The following EIPR1 variants were observed in gnomAD, a reference collection of about 807,000 sequenced individuals.
The protein encoded by EIPR1 is EARP and GARP complex-interacting protein 1.
In EIPR1, 25 loss-of-function variants were observed where a neutral mutation model predicts 48.1. The observed-to-expected ratio is 0.52, with a 90% CI of 0.38 to 0.73. The LOEUF is 0.73. Ranked by LOEUF, EIPR1 falls within the 30% of genes least tolerant of loss-of-function variation. EIPR1 has a pLI of 0.00. For synonymous variants in EIPR1, 204 were observed against 201.9 expected (o/e 1.01, Z -0.09); for missense variants, 415 against 506.2 (o/e 0.82, Z 1.73).
rs971877710 is a variant in EIPR1 at position 3,241,818 on chromosome 2, A to T, written c.416+15481T>A. ...CATTCACAAGGGTCATCATCGTGGG[A>T]TATGGTCCTAATTCGGCAGGTTTCA... On this transcript the variant is annotated intron_variant, in intron 4 of 8. Transcript: ENST00000382125. Among the ~76,000 whole-genome samples the T allele has an allele frequency of 1.4e-3, 213 of 152,138 alleles. 2 individuals carry two copies. The highest frequency in any genetic ancestry group is 1.2e-4 in the Non-Finnish European group (8 of 68,034).
intron 3 of EIPR1, among the ~76,000 whole-genome samples, chr2:3,330,565 GCA>G (rs1558303035): frequency 9.6e-6 from 1 of 104,646 alleles, no homozygotes; most frequent in African/African-American, 3.0e-5. Context: ...GTAGGAATGC[GCA>G]CACTCACGAG....
chr2:3,350,007 G>A (rs1027424719), intron 2 of EIPR1, among the ~76,000 whole-genome samples: 8 of 149,626 alleles, frequency 5.3e-5, no homozygotes, highest in East Asian at 4.0e-4. Flanking sequence ...GCCTGTAATC[G>A]CTTGGGAGTC....
intron 4 of EIPR1, among the ~76,000 whole-genome samples, chr2:3,225,222 ATGTGTGTGTGTGTGTGTGTGTG>A (rs61557621): frequency 1.5e-5 from 2 of 136,928 alleles, no homozygotes; most frequent in Non-Finnish European, 3.1e-5. Context: ...ACACTGTGAT[ATGTGTGTGTGTGTGTGTGTGTG>A]TGTGTGTGTG....
intron 1 of EIPR1, among the ~76,000 whole-genome samples, chr2:3,363,925 T>C (rs1203688025): frequency 2.0e-5 from 3 of 151,812 alleles, no homozygotes; most frequent in Non-Finnish European, 4.4e-5. Flanking sequence ...CCAACATCAC[T>C]AACTGTCAGA....
intron 3 of EIPR1, among the ~76,000 whole-genome samples, chr2:3,321,849 C>T (rs1669539272): frequency 1.3e-5 from 2 of 152,212 alleles, no homozygotes. Context: ...ACATCACTCC[C>T]AGTGAACAGA....
chr2:3,323,595 A>C (rs4854160), intron 3 of EIPR1, among the ~76,000 whole-genome samples: 69,350 of 151,994 alleles, frequency 0.46, 17,156 homozygotes, highest in East Asian at 0.81. Context: ...TCCATGAACC[A>C]AGCCACGTGA....
intron 5 of EIPR1, among the ~76,000 whole-genome samples, chr2:3,197,266 G>A (rs1193874918): frequency 6.6e-6 from 1 of 152,240 alleles, no homozygotes; most frequent in Non-Finnish European, 1.5e-5. Flanking sequence ...AAGAGCGTTT[G>A]CTTGCAAGTA....
chr2:3,297,818 TTC>T (rs1458401416), intron 3 of EIPR1, among the ~76,000 whole-genome samples: 2 of 152,236 alleles, frequency 1.3e-5, no homozygotes, highest in Non-Finnish European at 2.9e-5. Flanking sequence ...TTTGTCTTGC[TTC>T]TTTTTTTGTT....
chr2:3,340,680 C>T (rs1445343019), intron 2 of EIPR1, among the ~76,000 whole-genome samples: 1 of 152,144 alleles, frequency 6.6e-6, no homozygotes, highest in African/African-American at 2.4e-5. Flanking sequence ...TGTCCCATGA[C>T]GCCACATCTC....
chr2:3,341,030 G>A (rs1670222613), intron 2 of EIPR1, among the ~76,000 whole-genome samples: 1 of 147,900 alleles, frequency 6.8e-6, no homozygotes, highest in Non-Finnish European at 1.5e-5. Flanking sequence ...CCTGGAGGGG[G>A]AGGTGCAGTG....
chr2:3,224,029 T>C (rs922876535), intron 4 of EIPR1, among the ~76,000 whole-genome samples: 2 of 152,152 alleles, frequency 1.3e-5, no homozygotes, highest in African/African-American at 2.4e-5. Context: ...GCTCACTGAA[T>C]TGTACTTTTT....
chr2:3,200,489 G>C (rs1020257209), intron 5 of EIPR1, among the ~76,000 whole-genome samples: 2 of 152,196 alleles, frequency 1.3e-5, no homozygotes, highest in African/African-American at 2.4e-5. Context: ...CTCCGTGCAG[G>C]AAATGTTAAT....
chr2:3,226,789 T>C (rs1022931899), intron 4 of EIPR1, among the ~76,000 whole-genome samples: 1 of 152,218 alleles, frequency 6.6e-6, no homozygotes, highest in African/African-American at 2.4e-5. Context: ...GATGGTATCA[T>C]GGGGACAGGT....
At chr2:3,357,541 A>G (rs1670758376) in intron 1 of EIPR1, among the ~76,000 whole-genome samples, 1 of 152,254 alleles carries the variant, frequency 6.6e-6, no homozygotes, top group South Asian at 2.1e-4. Flanking sequence ...CAATCCCAGC[A>G]GCCATACTTC....
At chr2:3,315,042 G>A (rs1243215709) in intron 3 of EIPR1, among the ~76,000 whole-genome samples, 24 of 52,928 alleles carry the variant, frequency 4.5e-4, no homozygotes, top group Non-Finnish European at 6.0e-4. Flanking sequence ...ACCATCACCC[G>A]CCACCCGCCC....
intron 1 of EIPR1, among the ~76,000 whole-genome samples, chr2:3,376,617 G>T (rs566730553): frequency 9.9e-5 from 15 of 151,842 alleles, no homozygotes; most frequent in Non-Finnish European, 1.9e-4. Context: ...CTTAAACCCG[G>T]GAGGCGGAGG....
chr2:3,211,311 C>T (rs1665447774), intron 5 of EIPR1, among the ~76,000 whole-genome samples: 1 of 152,060 alleles, frequency 6.6e-6, no homozygotes, highest in Non-Finnish European at 1.5e-5. Flanking sequence ...ACGTCTCTTC[C>T]AGTTTGGAGA....
At chr2:3,226,469 T>C (rs1553283554) in intron 4 of EIPR1, among the ~76,000 whole-genome samples, 2 of 152,260 alleles carry the variant, frequency 1.3e-5, no homozygotes, top group Non-Finnish European at 2.9e-5. Context: ...AACTGGGTTA[T>C]TTTGTTTGCT....
chr2:3,264,062 T>C (rs1667415153), intron 3 of EIPR1, among the ~76,000 whole-genome samples: 1 of 152,220 alleles, frequency 6.6e-6, no homozygotes, highest in Non-Finnish European at 1.5e-5. Flanking sequence ...CTAACTGTGG[T>C]CAGCAAGACA....
Sources: gnomAD v4.1 joint callset for allele counts (sites outside exome capture counted in the v4.1 genomes callset) on GRCh38, gnomAD v4.1.1 for gene constraint, MANE v1.5 for transcripts, NCBI Gene and HGNC (gene_info 2026-07-23, HGNC 2026-07-21) for gene names.